Variants in SPTBN4 observed in about 807,000 individuals in gnomAD.
The protein encoded by SPTBN4 is spectrin beta, non-erythrocytic 4.
Under a neutral mutation model 277.8 loss-of-function variants are expected in SPTBN4, and 96 were observed. The ratio of observed to expected loss-of-function variants is 0.35; its 90% CI spans 0.29 to 0.41. The LOEUF (loss-of-function observed/expected upper bound fraction) is 0.41, where lower values mean the gene tolerates loss of function less well. Among genes scored for constraint, SPTBN4 ranks in the 10% least tolerant of loss-of-function variants. The pLI, the probability that SPTBN4 is intolerant of heterozygous loss-of-function variation, is 1.00. For synonymous variants in SPTBN4, 1,481 were observed against 1,580.3 expected (o/e 0.94, Z 1.49); for missense variants, 3,006 against 3,595.7 (o/e 0.84, Z 4.19).
At chr19:40,522,272 C>T (rs1045231104) in intron 16 of SPTBN4, among the ~76,000 whole-genome samples, 2 of 152,068 alleles carry the variant, frequency 1.3e-5, no homozygotes, top group Non-Finnish European at 2.9e-5. Flanking sequence ...AAGTGATCCT[C>T]CCGCCTCTGC....
At chr19:40,513,859 C>G (rs2080424024) in intron 14 of SPTBN4, among the ~76,000 whole-genome samples, 1 of 152,180 alleles carries the variant, frequency 6.6e-6, no homozygotes, top group African/African-American at 2.4e-5. Context: ...AGCATTTGCT[C>G]TTGTTACCCA....
In SPTBN4 at chr19:40,549,313, A is replaced by AGCGCCTGGT; in HGVS notation, c.4492_4500dup (p.Val1498_Leu1500dup). ...GGTGAGCGGCAGAACGCGGTGGGCG[A>AGCGCCTGGT]GCGCCTGGTGCGCCTGCTCGAGCCG... is the stretch of plus-strand genomic sequence containing the variant. On this transcript the variant is annotated inframe_insertion, in exon 21 of 36. Coordinates refer to ENST00000598249, the MANE Select transcript of SPTBN4 (RefSeq NM_020971.3). 1 of 1,539,990 alleles carries AGCGCCTGGT rather than the reference A, an allele frequency of 6.5e-7. No homozygotes were observed.
In SPTBN4 at chr19:40,515,774, G is replaced by C. The variant is rs1176524289; in HGVS notation, c.2903+326G>C. Among the ~76,000 whole-genome samples, 1 of 151,456 alleles carries C rather than the reference G, an allele frequency of 6.6e-6. No homozygotes were observed. Among genetic ancestry groups the C allele is most frequent in the East Asian group, 1.9e-4 (1 of 5,158 alleles). The stretch of plus-strand genomic sequence containing the variant: ...CACAGTGGCTCATACTGTAATCCCA[G>C]CACTTCAGGAGGCTGAGATGGGTGG... On this transcript the variant is annotated intron_variant, in intron 15 of 35. Transcript: ENST00000598249. The surrounding 1 kb of genome is among the most constrained non-coding windows in gnomAD (Gnocchi z 4.1).
At chr19:40,530,846 C>T (rs1193826559) in intron 18 of SPTBN4, 2 of 151,902 alleles carry the variant, frequency 1.3e-5, no homozygotes, top group Admixed American at 1.3e-4. Flanking sequence ...ACTTCTAAGA[C>T]CACTTCTAGG....
In SPTBN4 at chr19:40,519,589, T is replaced by C. The variant is rs751596295; in HGVS notation, c.3092T>C (p.Leu1031Pro). 1.4e-6 allele frequency: 2 copies of C among 1,480,686 alleles called. No individual in the cohort carries two copies. Among genetic ancestry groups the C allele is most frequent in the East Asian group, 2.8e-5 (1 of 35,820 alleles). 91.7% of individuals were successfully genotyped at this position (1,480,686 alleles called of 1,614,324 possible). ...QWRLSGLEAALQALEPRQAAL... is the reference protein window; with the variant it reads ...QWRLSGLEAAPQALEPRQAAL... ...CGTCTTAGCGGCCTAGAGGCCGCTC[T>C]GCAGGCGCTGGAGCCGCGCCAGGCG... The change falls in exon 16 of 36, where the codon CTG becomes CCG. Residue 1031 changes from leucine to proline, a missense_variant. Leu to Pro is a moderately conservative substitution (Grantham distance 98). Around this residue, in one of 5 missense-constraint regions of SPTBN4, gnomAD observed 1,759 missense variants for 2,061.5 expected, o/e 0.85. Transcript: ENST00000598249. The surrounding 1 kb of genome is among the most constrained non-coding windows in gnomAD (Gnocchi z 5.7).
intron 13 of SPTBN4, among the ~76,000 whole-genome samples, chr19:40,508,780 T>G (rs2080358023): frequency 6.6e-6 from 1 of 152,126 alleles, no homozygotes; most frequent in South Asian, 2.1e-4. Flanking sequence ...TAGTGAGTTT[T>G]GCTGTGGATT....
chr19:40,568,685 C>G (rs185572561), intron 31 of SPTBN4, among the ~76,000 whole-genome samples: 6 of 152,270 alleles, frequency 3.9e-5, no homozygotes, highest in Admixed American at 3.9e-4. Context: ...CTCTCAGCAG[C>G]CTTATGAAGT....
At chr19:40,521,405 T>C (rs2080525172) in intron 16 of SPTBN4, among the ~76,000 whole-genome samples, 1 of 152,214 alleles carries the variant, frequency 6.6e-6, no homozygotes, top group African/African-American at 2.4e-5. Flanking sequence ...CACTATAATG[T>C]AGAATCAGTG....
chr19:40,497,250 G>A (rs192118395), intron 6 of SPTBN4, among the ~76,000 whole-genome samples: 1 of 152,152 alleles, frequency 6.6e-6, no homozygotes, highest in African/African-American at 2.4e-5. Context: ...TGCACAGGCC[G>A]GCCCAGCAAC....
chr19:40,525,320 CTTTT>C (rs34066431), intron 17 of SPTBN4, among the ~76,000 whole-genome samples: 4 of 130,610 alleles, frequency 3.1e-5, no homozygotes, highest in Admixed American at 7.8e-5. Context: ...CTTTGTTCCA[CTTTT>C]TTTTTTTTTT....
chr19:40,470,955 C>CT (rs35396125), intron 1 of SPTBN4, among the ~76,000 whole-genome samples: 28,381 of 145,654 alleles, frequency 0.19, 2,890 homozygotes, highest in South Asian at 0.26. Flanking sequence ...ATTCTATCAC[C>CT]TTTTTTTTTT....
At chr19:40,494,704 C>T (rs566561872) in intron 5 of SPTBN4, among the ~76,000 whole-genome samples, 193 bp from the exon 6 acceptor site, 3 of 152,060 alleles carry the variant, frequency 2.0e-5, no homozygotes, top group African/African-American at 4.8e-5. Flanking sequence ...TATCACCTGT[C>T]TATCATCTAT....
At chr19:40,527,128 ACT>A (rs1427880798) in intron 17 of SPTBN4, among the ~76,000 whole-genome samples, 1 of 150,946 alleles carries the variant, frequency 6.6e-6, no homozygotes. Context: ...TCTCCTATAC[ACT>A]CTGTCTCTTT....
chr19:40,519,656 G>A lies in SPTBN4; in HGVS notation c.3159G>A (p.Pro1053=), dbSNP rs770972155. 1.0e-5 allele frequency: 14 copies of A among 1,394,416 alleles called. No homozygotes were observed. Among genetic ancestry groups the A allele is most frequent in the Non-Finnish European group, 1.3e-5 (14 of 1,086,040 alleles). 86.4% of individuals were successfully genotyped at this position (1,394,416 alleles called of 1,614,324 possible). Residue 1053 remains proline, a synonymous_variant, in exon 16 of 36, where the codon CCG becomes CCA. Coordinates refer to ENST00000598249, the MANE Select transcript of SPTBN4 (RefSeq NM_020971.3). This position sits in a 1 kb window ranked among gnomAD's most constrained non-coding sequence, Gnocchi z 5.7. ...EEAALLAERF[P]AQAARLHQGA... ...CAGCCCTGCTGGCTGAGCGCTTCCC[G>A]GCGCAGGCGGCGCGGCTGCACCAGG...
At chr19:40,514,425 G>A (rs1293046996) in intron 14 of SPTBN4, among the ~76,000 whole-genome samples, 1 of 152,186 alleles carries the variant, frequency 6.6e-6, no homozygotes, top group Non-Finnish European at 1.5e-5. Flanking sequence ...ACTGGGCTGG[G>A]GACCCAGATG....
At position 40,467,097 on chromosome 19, in the gene SPTBN4, A is replaced by AG; in HGVS notation, c.-219dup. The AG allele has an allele frequency of 6.7e-6, 1 of 148,718 alleles. No individual in the cohort carries two copies. The highest frequency in any genetic ancestry group is 1.5e-5 in the Non-Finnish European group (1 of 66,588). The allele number at this position is 148,718 out of a possible 1,614,324, so 9.2% of individuals were successfully genotyped here. A position where few individuals can be genotyped will look rare whatever the true frequency, so the allele number is the denominator to read the frequency against. Reference sequence around the variant, plus strand: ...GCGGGGCGCGGGGACCGCGGGCGGGAGGGGGTCCCGGGGGCGCGCTGAGCG... The same window carrying AG: ...GCGGGGCGCGGGGACCGCGGGCGGGAGGGGGGTCCCGGGGGCGCGCTGAGCG... On this transcript the variant is annotated 5_prime_UTR_variant, in exon 1 of 36. Coordinates refer to ENST00000598249, the MANE Select transcript of SPTBN4 (RefSeq NM_020971.3).
intron 1 of SPTBN4, among the ~76,000 whole-genome samples, chr19:40,469,242 A>G (rs1277300090): frequency 1.3e-5 from 2 of 151,116 alleles, no homozygotes; most frequent in Non-Finnish European, 2.9e-5. Context: ...TGATCTCCCA[A>G]CTTCCTCCTT....
chr19:40,502,696 G>A lies in SPTBN4; in HGVS notation c.1204-79G>A. The stretch of plus-strand genomic sequence containing the variant: ...TTGCATGAAGTTGCCATAATGCTAT[G>A]AGTGACCTCAGACTAAGTCAAGACC... On this transcript the variant is annotated intron_variant, in intron 10 of 35. Transcript: ENST00000598249. This position sits in a 1 kb window ranked among gnomAD's most constrained non-coding sequence, Gnocchi z 4.9. The A allele has an allele frequency of 6.4e-7, 1 of 1,554,586 alleles. No individual in the cohort carries two copies. Among genetic ancestry groups the A allele is most frequent in the Non-Finnish European group, 8.7e-7 (1 of 1,150,268 alleles).
At chr19:40,531,458 GTGTT>G (rs1313867206) in intron 18 of SPTBN4, among the ~76,000 whole-genome samples, 185 of 119,282 alleles carry the variant, frequency 1.6e-3, no homozygotes, top group Non-Finnish European at 2.3e-3. Context: ...CTGGAGTCCA[GTGTT>G]TGTTTTTTTT....
Sources: allele counts gnomAD v4.1 joint callset (sites outside exome capture counted in the v4.1 genomes callset), GRCh38; gene constraint gnomAD v4.1.1; regional missense constraint gnomAD v4.1.1; non-coding constraint Gnocchi (gnomAD v3.1); transcripts MANE v1.5; gene names NCBI Gene and HGNC (gene_info 2026-07-23, HGNC 2026-07-21).